Variants in NFAM1 observed in about 807,000 individuals in gnomAD.
The protein encoded by NFAM1 is NFAT activation molecule 1.
In NFAM1, 17 loss-of-function variants were observed where a neutral mutation model predicts 29.0. That is an observed-to-expected ratio of 0.59 (90% confidence interval 0.40 to 0.88). NFAM1 has a LOEUF of 0.88. NFAM1 is among the 40% of genes least tolerant of loss of function. NFAM1 has a pLI of 0.00. For synonymous variants in NFAM1, 175 were observed against 147.2 expected, an observed-to-expected ratio of 1.19 and a Z score of -1.36; for missense variants, 324 against 344.6, an observed-to-expected ratio of 0.94 and a Z score of 0.47.
At chr22:42,421,615 C>A (rs1930449475) in intron 1 of NFAM1, among the ~76,000 whole-genome samples, 1 of 152,164 alleles carries the variant, frequency 6.6e-6, no homozygotes, top group Non-Finnish European at 1.5e-5. Flanking sequence ...TTGGTCCCGG[C>A]TCCCCACTGC....
rs768193661 is a variant in NFAM1, at chr22:42,411,684, G to C, written c.174C>G (p.Asn58Lys). ...TGLPIMASLA[N>K]TAISFSCRIT... ...TCCTGCAGCTGAAGGAGATAGCTGTGTTGGCCAGGGAGGCCATGATGGGCA... is the reference window on the plus strand; with the variant it reads ...TCCTGCAGCTGAAGGAGATAGCTGTCTTGGCCAGGGAGGCCATGATGGGCA... The change falls in exon 2 of 6, where the codon AAC becomes AAG. Residue 58 changes from asparagine (N) to lysine (K), a missense_variant. Physicochemically the swap from Asn to Lys is moderately conservative, Grantham distance 94 (BLOSUM62 0). Coordinates refer to ENST00000329021, the MANE Select transcript of NFAM1 (RefSeq NM_145912.8). 1.2e-6 allele frequency: 2 copies of C among 1,614,144 alleles called. No individual in the cohort carries two copies. The highest frequency in any genetic ancestry group is 2.2e-5 in the South Asian group (2 of 91,088).
chr22:42,389,769 G>A (rs540331568), intron 4 of NFAM1, among the ~76,000 whole-genome samples: 3 of 152,266 alleles, frequency 2.0e-5, no homozygotes, highest in South Asian at 4.1e-4. Flanking sequence ...CTGCCCAGTG[G>A]GCAATGGTGC....
chr22:42,408,305 C>G (rs1929967441), intron 3 of NFAM1, among the ~76,000 whole-genome samples: 1 of 152,186 alleles, frequency 6.6e-6, no homozygotes, highest in African/African-American at 2.4e-5. Flanking sequence ...CACATAAATT[C>G]CCGTGGAAGA....
At chr22:42,405,165 A>T (rs1929853356) in intron 3 of NFAM1, among the ~76,000 whole-genome samples, 1 of 152,132 alleles carries the variant, frequency 6.6e-6, no homozygotes, top group Non-Finnish European at 1.5e-5. Flanking sequence ...CCCCTCCTTT[A>T]CTAATACTGT....
intron 5 of NFAM1, 27 bp from the exon 6 acceptor site, chr22:42,385,247 A>C (rs1342270648): frequency 6.7e-7 from 1 of 1,490,392 alleles, no homozygotes; most frequent in South Asian, 1.1e-5. Flanking sequence ...AAAGGGAGGG[A>C]AGGAGAGAAA....
chr22:42,386,029 A>T (rs1397837633), intron 5 of NFAM1, among the ~76,000 whole-genome samples: 1 of 152,224 alleles, frequency 6.6e-6, no homozygotes, highest in South Asian at 2.1e-4. Flanking sequence ...GGCAGTTGGT[A>T]TTGCAGGAAA....
Position 42,397,931 on chromosome 22 carries a change from TC to T in NFAM1, c.589del (p.Asp197ThrfsTer99). Reference protein sequence around the residue: ...NKKRMRGPGKDPTRKCPDPRS... With the variant: ...NKKRMRGPGKXPTRKCPDPRS... ...TGGATCTGGGCACTTCCTGGTGGGG[TC>T]CTTCCCTGGACCCCGCATCCGCTTC... On this transcript the variant is annotated frameshift_variant, in exon 4 of 6. Transcript: ENST00000329021. LOFTEE classifies it high-confidence loss of function. The T allele has an allele frequency of 6.2e-7, 1 of 1,608,808 alleles. No homozygotes were observed. Among genetic ancestry groups the T allele is most frequent in the Non-Finnish European group, 8.5e-7 (1 of 1,177,004 alleles).
At chr22:42,408,808 C>A (rs1472078834) in intron 3 of NFAM1, among the ~76,000 whole-genome samples, 1 of 152,208 alleles carries the variant, frequency 6.6e-6, no homozygotes, top group Non-Finnish European at 1.5e-5. Context: ...CAGGAGCCGT[C>A]CAGGTGAGGA....
At chr22:42,404,184 A>C (rs1421257289) in intron 3 of NFAM1, among the ~76,000 whole-genome samples, 1 of 151,994 alleles carries the variant, frequency 6.6e-6, no homozygotes, top group African/African-American at 2.4e-5. Flanking sequence ...AGGTGCAGGC[A>C]TTGCCCCGGG....
At chr22:42,390,857 T>C (rs1179497010) in intron 4 of NFAM1, among the ~76,000 whole-genome samples, 1 of 147,850 alleles carries the variant, frequency 6.8e-6, no homozygotes, top group Non-Finnish European at 1.5e-5. Flanking sequence ...CCGTGGCCAG[T>C]GTCAGGAAGG....
chr22:42,401,150 G>T (rs575644471), intron 3 of NFAM1, among the ~76,000 whole-genome samples: 1 of 152,352 alleles, frequency 6.6e-6, no homozygotes, highest in African/African-American at 2.4e-5. Context: ...AAGTCTGCAG[G>T]GGACTGAAGC....
intron 1 of NFAM1, among the ~76,000 whole-genome samples, chr22:42,421,131 G>A (rs1930430519): frequency 6.6e-6 from 1 of 152,168 alleles, no homozygotes; most frequent in African/African-American, 2.4e-5. Flanking sequence ...AATGCACCGT[G>A]GAAAACTTGG....
chr22:42,416,853 TG>T (rs1170635801), intron 1 of NFAM1, among the ~76,000 whole-genome samples: 1 of 152,210 alleles, frequency 6.6e-6, no homozygotes, highest in Non-Finnish European at 1.5e-5. Flanking sequence ...GGCAGTGAGC[TG>T]GCTGAGTGTC....
chr22:42,425,875 G>A lies in NFAM1; in HGVS notation c.121+6362C>T, dbSNP rs544693432. Among the ~76,000 whole-genome samples the A allele has an allele frequency of 7.2e-5, 11 of 152,284 alleles. No homozygotes were observed. The South Asian group carries it at 1.0e-3, about 14-fold the overall frequency. On this transcript the variant is annotated intron_variant, in intron 1 of 5. Coordinates refer to ENST00000329021, the MANE Select transcript of NFAM1 (RefSeq NM_145912.8). Reference sequence around the variant, plus strand: ...AGTCATGCCCCACATGCCTCTGAGCGCCTGTGTGCTCGGGATCACAGATGA... The same window carrying A: ...AGTCATGCCCCACATGCCTCTGAGCACCTGTGTGCTCGGGATCACAGATGA...
chr22:42,400,004 G>A (rs961278598), intron 3 of NFAM1, among the ~76,000 whole-genome samples: 36 of 152,166 alleles, frequency 2.4e-4, no homozygotes, highest in Admixed American at 6.5e-5. Flanking sequence ...TCCACAAACC[G>A]CAGGTGAATC....
In NFAM1 at chr22:42,409,649, A is replaced by C. The variant is rs1601749555; in HGVS notation, c.452-102T>G. 2.0e-6 allele frequency: 1 copy of C among 502,768 alleles called. No individual in the cohort carries two copies. Among genetic ancestry groups the C allele is most frequent in the Non-Finnish European group, 3.4e-6 (1 of 297,034 alleles). 31.1% of individuals were successfully genotyped at this position (502,768 alleles called of 1,614,324 possible). On this transcript the variant is annotated intron_variant, in intron 2 of 5. Coordinates refer to ENST00000329021, the MANE Select transcript of NFAM1 (RefSeq NM_145912.8). The surrounding 1 kb of genome is among the most constrained non-coding windows in gnomAD (Gnocchi z 4.9). Reference sequence around the variant, plus strand: ...CACTCAGGACCCTGTTTTCAATGCTACCCCGCCAACACGCTCCACACCCCA... The same window carrying C: ...CACTCAGGACCCTGTTTTCAATGCTCCCCCGCCAACACGCTCCACACCCCA...
chr22:42,413,125 G>A (rs1930148530), intron 1 of NFAM1, among the ~76,000 whole-genome samples: 2 of 152,238 alleles, frequency 1.3e-5, no homozygotes, highest in Admixed American at 6.5e-5. Flanking sequence ...TCCAGCAGCT[G>A]AGCAGCAGAC....
At position 42,409,850 on chromosome 22, in the gene NFAM1, C is replaced by T. The variant is rs1930023446; in HGVS notation, c.452-303G>A. 1.3e-5 allele frequency among the ~76,000 whole-genome samples: 2 copies of T among 152,172 alleles called. No individual in the cohort carries two copies. The highest frequency in any genetic ancestry group is 6.5e-5 in the Admixed American group (1 of 15,274). Reference sequence around the variant, plus strand: ...GCCCTGAGCGAGATGTCTCCCCTCTCGGGGCCTCTTCTTTTCCCTGTGTGA... The same window carrying T: ...GCCCTGAGCGAGATGTCTCCCCTCTTGGGGCCTCTTCTTTTCCCTGTGTGA... On this transcript the variant is annotated intron_variant, in intron 2 of 5. Transcript: ENST00000329021. The surrounding 1 kb of genome is among the most constrained non-coding windows in gnomAD (Gnocchi z 4.9).
Position 42,419,990 on chromosome 22 carries a change from G to GTTTTT in NFAM1, c.122-8259_122-8255dup, listed in dbSNP as rs869262500. Reference sequence around the variant, plus strand: ...CTTTGAGTCTGTAATCCCACTCTTGGTTTTTTTTTTTTTTTTTTTTTTTTT... The same window carrying GTTTTT: ...CTTTGAGTCTGTAATCCCACTCTTGGTTTTTTTTTTTTTTTTTTTTTTTTTTTTTT... On this transcript the variant is annotated intron_variant, in intron 1 of 5. Coordinates refer to ENST00000329021, the MANE Select transcript of NFAM1 (RefSeq NM_145912.8). This position sits in a 1 kb window ranked among gnomAD's most constrained non-coding sequence, Gnocchi z 4.5. 6.6e-5 allele frequency among the ~76,000 whole-genome samples: 2 copies of GTTTTT among 30,522 alleles called. No homozygotes were observed. Among genetic ancestry groups the GTTTTT allele is most frequent in the African/African-American group, 1.7e-4 (1 of 5,982 alleles). 20.0% of individuals were successfully genotyped at this position (30,522 alleles called of 152,430 possible).
Sources: gnomAD v4.1 joint callset for allele counts (sites outside exome capture counted in the v4.1 genomes callset) on GRCh38, gnomAD v4.1.1 for gene constraint, Gnocchi (gnomAD v3.1) non-coding constraint, MANE v1.5 for transcripts, NCBI Gene and HGNC (gene_info 2026-07-23, HGNC 2026-07-21) for gene names.